The following AUTS2 variants were observed in gnomAD, a reference collection of about 807,000 sequenced individuals.
AUTS2 encodes the protein activator of transcription and developmental regulator AUTS2.
Under a neutral mutation model 112.4 loss-of-function variants are expected in AUTS2, and 17 were observed. The observed-to-expected ratio is 0.15, with a 90% CI of 0.10 to 0.23. The LOEUF is 0.23. Ranked by LOEUF, AUTS2 falls within the 10% of genes least tolerant of loss-of-function variation. The pLI is 1.00. For synonymous variants in AUTS2, 751 were observed against 702.7 expected, an observed-to-expected ratio of 1.07 and a Z score of -1.09; for missense variants, 1,510 against 1,701.6, an observed-to-expected ratio of 0.89 and a Z score of 1.98.
At chr7:69,772,987 A>G (rs1034377341) in intron 1 of AUTS2, among the ~76,000 whole-genome samples, 1 of 152,208 alleles carries the variant, frequency 6.6e-6, no homozygotes, top group South Asian at 2.1e-4. Context: ...AGGTAGGTTT[A>G]TGAGCTTTGC....
At chr7:70,594,530 A>C (rs1803100199) in intron 5 of AUTS2, among the ~76,000 whole-genome samples, 1 of 152,180 alleles carries the variant, frequency 6.6e-6, no homozygotes, top group Non-Finnish European at 1.5e-5. Flanking sequence ...TTCAAATTCC[A>C]AACACAAGGC....
At chr7:69,641,362 C>T (rs1031839609) in intron 1 of AUTS2, among the ~76,000 whole-genome samples, 2 of 152,230 alleles carry the variant, frequency 1.3e-5, no homozygotes, top group Non-Finnish European at 2.9e-5. Flanking sequence ...TTCATGCTTT[C>T]GCTGATCCAG....
intron 1 of AUTS2, among the ~76,000 whole-genome samples, chr7:69,683,249 A>G (rs1253932381): frequency 6.6e-6 from 1 of 152,158 alleles, no homozygotes. Flanking sequence ...GGTTGCCATG[A>G]TGTCCTGCCC....
chr7:69,866,997 C>T (rs1304551536), intron 1 of AUTS2, among the ~76,000 whole-genome samples: 5 of 152,218 alleles, frequency 3.3e-5, no homozygotes, highest in South Asian at 4.1e-4. Flanking sequence ...CTTTAGCCAA[C>T]TTGAGCAAGT....
intron 1 of AUTS2, among the ~76,000 whole-genome samples, chr7:69,672,018 C>A (rs1033724144): frequency 6.6e-6 from 1 of 151,482 alleles, no homozygotes; most frequent in African/African-American, 2.4e-5. Context: ...CCATATTCAG[C>A]TTCCCAGAGA....
chr7:69,784,188 A>AT (rs1562880796), intron 1 of AUTS2, among the ~76,000 whole-genome samples: 1 of 152,190 alleles, frequency 6.6e-6, no homozygotes, highest in Non-Finnish European at 1.5e-5. Flanking sequence ...TGCAGAAAAG[A>AT]TTACAGGGTC....
intron 5 of AUTS2, among the ~76,000 whole-genome samples, chr7:70,691,700 C>T (rs370392399): frequency 5.3e-5 from 8 of 151,972 alleles, no homozygotes; most frequent in South Asian, 2.1e-4. Context: ...GTTCTGCAAC[C>T]GGGCCAGCCA....
intron 1 of AUTS2, among the ~76,000 whole-genome samples, chr7:69,760,249 G>A (rs557279371): frequency 2.9e-5 from 4 of 139,170 alleles, no homozygotes; most frequent in East Asian, 2.1e-4. Context: ...TGACCTGGCC[G>A]ATCTCAAACT....
chr7:70,402,532 G>A (rs535519515), intron 4 of AUTS2, among the ~76,000 whole-genome samples: 6 of 152,304 alleles, frequency 3.9e-5, no homozygotes, highest in African/African-American at 7.2e-5. Context: ...ATAAAGAAAC[G>A]ATTCCAAGGT....
At chr7:69,792,873 A>C (rs1584254230) in intron 1 of AUTS2, among the ~76,000 whole-genome samples, 2 of 152,098 alleles carry the variant, frequency 1.3e-5, no homozygotes, top group Non-Finnish European at 2.9e-5. Context: ...TCTGCATTTC[A>C]ACAAGCACCA....
intron 2 of AUTS2, among the ~76,000 whole-genome samples, chr7:70,117,321 GC>G (rs1324309633): frequency 6.6e-6 from 1 of 151,922 alleles, no homozygotes; most frequent in African/African-American, 2.4e-5. Flanking sequence ...ATCATTAGGT[GC>G]CATCCCAGTG....
intron 4 of AUTS2, among the ~76,000 whole-genome samples, chr7:70,231,031 A>G (rs1053908385): frequency 1.3e-5 from 2 of 152,350 alleles, no homozygotes; most frequent in South Asian, 2.1e-4. Flanking sequence ...ACTGTTGTCA[A>G]TGAGGTTCGG....
At chr7:70,415,489 T>C (rs940977147) in intron 4 of AUTS2, among the ~76,000 whole-genome samples, 3 of 152,128 alleles carry the variant, frequency 2.0e-5, no homozygotes, top group South Asian at 4.2e-4. Context: ...AACTAGACCA[T>C]CTGAAGTCAT....
intron 5 of AUTS2, among the ~76,000 whole-genome samples, chr7:70,568,525 G>A (rs1402996690): frequency 6.6e-6 from 1 of 152,078 alleles, no homozygotes; most frequent in Non-Finnish European, 1.5e-5. Flanking sequence ...GCAATTGGAT[G>A]CACTTTGGGG....
chr7:70,333,430 C>T (rs1460357420), intron 4 of AUTS2, among the ~76,000 whole-genome samples: 5 of 152,142 alleles, frequency 3.3e-5, no homozygotes, highest in Non-Finnish European at 7.3e-5. Flanking sequence ...CCAGAAATAG[C>T]ATTTGACCCA....
chr7:70,471,594 A>G (rs974453208), intron 5 of AUTS2, among the ~76,000 whole-genome samples: 2 of 152,168 alleles, frequency 1.3e-5, no homozygotes, highest in African/African-American at 4.8e-5. Context: ...CGCTGGGGAT[A>G]TTAATATCTC....
intron 1 of AUTS2, among the ~76,000 whole-genome samples, chr7:69,862,264 C>A (rs2129532850): frequency 6.6e-6 from 1 of 152,186 alleles, no homozygotes; most frequent in South Asian, 2.1e-4. Flanking sequence ...AAAATATCCA[C>A]ATGTCAAAAA....
Position 70,792,632 on chromosome 7 carries a change from A to G in AUTS2, c.*1636A>G, listed in dbSNP as rs2129562075. 1 of 96,968 alleles carries G rather than the reference A, an allele frequency of 1.0e-5. No homozygotes were observed. Among genetic ancestry groups the G allele is most frequent in the East Asian group, 2.5e-4 (1 of 4,070 alleles). The allele number at this position is 96,968 out of a possible 1,614,324, so 6.0% of individuals were successfully genotyped here. A position where few individuals can be genotyped will look rare whatever the true frequency, so the allele number is the denominator to read the frequency against. ...TGTGCGGTGTTTTTTTTTTTTTTTA[A>G]GACAACAACTAAAAAAAATGCAAGG... On this transcript the variant is annotated 3_prime_UTR_variant, in exon 19 of 19. Coordinates refer to ENST00000342771, the MANE Select transcript of AUTS2 (RefSeq NM_015570.4).
intron 4 of AUTS2, among the ~76,000 whole-genome samples, chr7:70,187,983 GTAA>G (rs1809696654): frequency 6.6e-6 from 1 of 152,058 alleles, no homozygotes; most frequent in South Asian, 2.1e-4. Flanking sequence ...TCTTGAACAT[GTAA>G]TAATTCACTT....
Sources: allele counts gnomAD v4.1 joint callset (sites outside exome capture counted in the v4.1 genomes callset), GRCh38; gene constraint gnomAD v4.1.1; transcripts MANE v1.5; gene names NCBI Gene and HGNC (gene_info 2026-07-23, HGNC 2026-07-21).